The following SMYD3 variants were observed in gnomAD, a reference collection of about 807,000 sequenced individuals.
The protein encoded by SMYD3 is histone-lysine N-methyltransferase SMYD3.
SMYD3 carries 36 observed loss-of-function variants against 57.7 expected under a neutral mutation model. The observed-to-expected ratio is 0.62, with a 90% CI of 0.48 to 0.82. SMYD3 has a LOEUF of 0.82. Ranked by LOEUF, SMYD3 falls within the 40% of genes least tolerant of loss-of-function variation. SMYD3 has a pLI of 0.00. For missense variants in SMYD3, 515 were observed against 538.8 expected, an observed-to-expected ratio of 0.96 and a Z score of 0.44; for synonymous variants, 211 against 195.0, an observed-to-expected ratio of 1.08 and a Z score of -0.68.
chr1:246,233,035 C>T (rs199713560), intron 5 of SMYD3, among the ~76,000 whole-genome samples: 1 of 132,710 alleles, frequency 7.5e-6, no homozygotes, highest in East Asian at 5.1e-4. Flanking sequence ...ACATATACCA[C>T]ACAGGGGAGA....
intron 5 of SMYD3, among the ~76,000 whole-genome samples, chr1:246,252,545 C>A (rs887328059): frequency 6.6e-6 from 1 of 151,152 alleles, no homozygotes; most frequent in African/African-American, 2.5e-5. Flanking sequence ...TTAAAGGTTT[C>A]TGTTTAAAAA....
intron 1 of SMYD3, among the ~76,000 whole-genome samples, chr1:246,458,525 C>T (rs1401808557): frequency 7.2e-6 from 1 of 139,262 alleles, no homozygotes; most frequent in Non-Finnish European, 1.5e-5. Context: ...CGGCTCACTG[C>T]AACCTCCGCC....
intron 1 of SMYD3, among the ~76,000 whole-genome samples, chr1:246,394,570 A>G (rs1273313895): frequency 6.6e-6 from 1 of 152,246 alleles, no homozygotes; most frequent in East Asian, 1.9e-4. Context: ...AAAACAAGAA[A>G]TCACCAATAT....
intron 5 of SMYD3, among the ~76,000 whole-genome samples, chr1:246,152,609 A>C (rs914033550): frequency 2.0e-5 from 3 of 152,228 alleles, no homozygotes; most frequent in Non-Finnish European, 4.4e-5. Context: ...TCTAAAGAGC[A>C]GACAAACAAT....
intron 5 of SMYD3, among the ~76,000 whole-genome samples, chr1:246,269,550 TTTTTTG>T (rs2064179247): frequency 2.6e-5 from 4 of 151,244 alleles, no homozygotes; most frequent in Admixed American, 6.6e-5. Context: ...TTTCTTTTTT[TTTTTTG>T]TTTTTGTTGT....
At chr1:246,339,140 G>A (rs955150617) in intron 2 of SMYD3, among the ~76,000 whole-genome samples, 1 of 152,122 alleles carries the variant, frequency 6.6e-6, no homozygotes, top group East Asian at 1.9e-4. Flanking sequence ...TGTATTTTAA[G>A]AATTTTACCT....
intron 10 of SMYD3, among the ~76,000 whole-genome samples, chr1:245,830,604 C>T (rs2049777392): frequency 6.6e-6 from 1 of 152,154 alleles, no homozygotes; most frequent in Admixed American, 6.5e-5. Flanking sequence ...ATAGAGAATA[C>T]CCCTCTGGGG....
intron 5 of SMYD3, among the ~76,000 whole-genome samples, chr1:246,284,807 T>C (rs2064527171): frequency 6.6e-6 from 1 of 152,208 alleles, no homozygotes; most frequent in Admixed American, 6.5e-5. Context: ...ATTGTATTAA[T>C]AGGTTTCTAA....
chr1:246,478,713 G>A (rs368912888), intron 1 of SMYD3, among the ~76,000 whole-genome samples: 65 of 56,974 alleles, frequency 1.1e-3, no homozygotes, highest in African/African-American at 4.6e-3. Context: ...GAGCTGGTAC[G>A]TAAGTGCTCA....
At chr1:245,835,572 G>A (rs2050068982) in intron 10 of SMYD3, among the ~76,000 whole-genome samples, 1 of 152,156 alleles carries the variant, frequency 6.6e-6, no homozygotes, top group Non-Finnish European at 1.5e-5. Flanking sequence ...TAACAAACAT[G>A]GAATTCCCTT....
intron 8 of SMYD3, among the ~76,000 whole-genome samples, chr1:245,887,867 A>G (rs575379550): frequency 1.3e-5 from 2 of 152,302 alleles, no homozygotes; most frequent in South Asian, 2.1e-4. Context: ...AAAGAAAGGG[A>G]CAAAAGGAGA....
chr1:245,950,944 C>T (rs1309726473), intron 5 of SMYD3, among the ~76,000 whole-genome samples: 2 of 152,184 alleles, frequency 1.3e-5, no homozygotes, highest in Non-Finnish European at 2.9e-5. Flanking sequence ...ATGGATTTCA[C>T]AGTCATTCAT....
At chr1:246,243,711 T>G (rs1286129280) in intron 5 of SMYD3, among the ~76,000 whole-genome samples, 1 of 152,060 alleles carries the variant, frequency 6.6e-6, no homozygotes, top group Admixed American at 6.6e-5. Context: ...AATGTTTTGT[T>G]ATGAAATCAT....
intron 1 of SMYD3, among the ~76,000 whole-genome samples, chr1:246,419,568 C>T (rs575774364): frequency 3.9e-5 from 6 of 152,284 alleles, no homozygotes; most frequent in Admixed American, 2.6e-4. Flanking sequence ...ATGGGGGTAG[C>T]GCCCTAGCCA....
At chr1:246,215,833 G>A (rs908423261) in intron 5 of SMYD3, among the ~76,000 whole-genome samples, 10 of 152,100 alleles carry the variant, frequency 6.6e-5, no homozygotes, top group African/African-American at 2.4e-4. Flanking sequence ...AATCTAAAAT[G>A]TGTAACTATT....
intron 6 of SMYD3, 106 bp from the exon 7 acceptor site, chr1:245,928,139 G>A (rs1056564524): frequency 9.8e-6 from 8 of 813,916 alleles, no homozygotes; most frequent in Non-Finnish European, 1.6e-5. Context: ...GGCAGCAGCA[G>A]GTAGGGTTGA....
intron 1 of SMYD3, among the ~76,000 whole-genome samples, chr1:246,450,302 A>C (rs2067614037): frequency 6.6e-6 from 1 of 152,134 alleles, no homozygotes; most frequent in Non-Finnish European, 1.5e-5. Context: ...AAAAAAAAAA[A>C]ACTCATCAAC....
At chr1:245,911,416 C>T (rs1445967678) in intron 8 of SMYD3, among the ~76,000 whole-genome samples, 1 of 151,822 alleles carries the variant, frequency 6.6e-6, no homozygotes, top group African/African-American at 2.4e-5. Context: ...TCTGCACTCC[C>T]ATGTTTATTG....
intron 5 of SMYD3, among the ~76,000 whole-genome samples, chr1:246,051,307 G>A (rs2060063638): frequency 6.6e-6 from 1 of 151,930 alleles, no homozygotes. Flanking sequence ...GTTTTGCAGA[G>A]ACAGGGTTTC....
Sources: allele counts gnomAD v4.1 joint callset (sites outside exome capture counted in the v4.1 genomes callset), GRCh38; gene constraint gnomAD v4.1.1; transcripts MANE v1.5; gene names NCBI Gene and HGNC (gene_info 2026-07-23, HGNC 2026-07-21).